Variants in ARHGEF4 observed in about 807,000 individuals in gnomAD.
ARHGEF4 encodes the protein Rho guanine nucleotide exchange factor 4, also known as APC-stimulated guanine nucleotide exchange factor 1.
Under a neutral mutation model 162.0 loss-of-function variants are expected in ARHGEF4, and 119 were observed. The observed-to-expected ratio is 0.73, with a 90% confidence interval of 0.63 to 0.86. The LOEUF (loss-of-function observed/expected upper bound fraction) is 0.86. ARHGEF4 is among the 40% of genes least tolerant of loss of function. ARHGEF4 has a pLI of 0.00. For missense variants in ARHGEF4, 2,488 were observed against 2,456.0 expected (o/e 1.01, Z -0.28); for synonymous variants, 1,014 against 979.9 (o/e 1.03, Z -0.65).
chr2:130,916,534 C>G lies in ARHGEF4; in HGVS notation c.2588C>G (p.Ala863Gly). 6.5e-7 allele frequency: 1 copy of G among 1,549,974 alleles called. No homozygotes were observed. Among genetic ancestry groups the G allele is most frequent in the Non-Finnish European group, 8.7e-7 (1 of 1,146,908 alleles). ...GCCTGGCCCGAGTTTGTCCCGCAGG[C>G]TGCAGGCGACAGGACTGCAGGGCCG... ...ASAWPEFVPQ[A>G]AGDRTAGPAG... The change falls in exon 2 of 14, where the codon GCT becomes GGT. Residue 863 changes from alanine (A) to glycine (G), a missense_variant. Ala to Gly is a moderately conservative substitution (Grantham distance 60, BLOSUM62 0). This residue lies in a region of ARHGEF4 where 1,642 missense variants were observed against 1,481.5 expected (regional missense o/e 1.11). Coordinates refer to ENST00000409359, the MANE Select transcript of ARHGEF4 (RefSeq NM_001367493.1).
rs1186979581 is a variant in ARHGEF4, at chr2:130,915,600, G to T, written c.1654G>T (p.Ala552Ser). 5 of 1,550,442 alleles carry T rather than the reference G, an allele frequency of 3.2e-6. No individual in the cohort carries two copies. The South Asian group carries it at 4.8e-5, about 15-fold the overall frequency. ...CTTGGAAGTGAGTGACAGTTCAGATGCCCCTGAGACCACCCAGAAATCAAG... is the reference window on the plus strand; with the variant it reads ...CTTGGAAGTGAGTGACAGTTCAGATTCCCCTGAGACCACCCAGAAATCAAG... ...GCLEVSDSSDAPETTQKSSAI... is the reference protein window; with the variant it reads ...GCLEVSDSSDSPETTQKSSAI... The change falls in exon 2 of 14, where the codon GCC (alanine) becomes TCC (serine). Residue 552 changes from alanine (A) to serine (S), a missense_variant. Coordinates refer to ENST00000409359, the MANE Select transcript of ARHGEF4 (RefSeq NM_001367493.1).
intron 4 of ARHGEF4, among the ~76,000 whole-genome samples, chr2:130,989,623 T>C (rs2105277890): frequency 6.6e-6 from 1 of 152,358 alleles, no homozygotes; most frequent in Middle Eastern, 3.4e-3. Flanking sequence ...TTTGTAACAT[T>C]TTAGCATACT....
intron 4 of ARHGEF4, among the ~76,000 whole-genome samples, chr2:131,025,330 A>G (rs1203586276): frequency 1.3e-5 from 2 of 152,334 alleles, no homozygotes; most frequent in African/African-American, 4.8e-5. Context: ...ATCCGCCCCC[A>G]TGATCCAATC....
chr2:130,974,898 C>G (rs934853331), intron 4 of ARHGEF4, among the ~76,000 whole-genome samples: 1 of 152,154 alleles, frequency 6.6e-6, no homozygotes, highest in African/African-American at 2.4e-5. Flanking sequence ...CAACAGATAA[C>G]CTTCTACAGC....
At chr2:130,895,971 A>G (rs962063299) in intron 1 of ARHGEF4, among the ~76,000 whole-genome samples, 1 of 152,114 alleles carries the variant, frequency 6.6e-6, no homozygotes, top group Non-Finnish European at 1.5e-5. Flanking sequence ...GCACTTAGCT[A>G]TATGATATAT....
At chr2:131,034,544 G>C (rs1216964874) in intron 5 of ARHGEF4, among the ~76,000 whole-genome samples, 6 of 152,178 alleles carry the variant, frequency 3.9e-5, no homozygotes, top group Non-Finnish European at 8.8e-5. Context: ...GCATTCCTGC[G>C]CGATTTTATG....
Position 131,041,392 on chromosome 2 carries a change from C to T in ARHGEF4, c.4825C>T (p.Pro1609Ser). Residue 1609 changes from proline (P) to serine (S), a missense_variant, in exon 9 of 14, where the codon CCG becomes TCG. By Grantham distance (74) the Pro-to-Ser change is moderately conservative. Transcript: ENST00000409359. ...DISLDGFLLT[P>S]VQKICKYPLQ... ...CTCCCTGGATGGCTTCCTGCTGACT[C>T]CGGTGCAGAAGATCTGCAAGTACCC... 1.2e-6 allele frequency: 2 copies of T among 1,613,436 alleles called. No homozygotes were observed. Among genetic ancestry groups the T allele is most frequent in the East Asian group, 2.2e-5 (1 of 44,880 alleles).
intron 6 of ARHGEF4, 72 bp from the exon 7 acceptor site, chr2:131,039,944 C>T (rs1690640731): frequency 2.0e-6 from 3 of 1,514,466 alleles, no homozygotes; most frequent in Non-Finnish European, 2.6e-6. Flanking sequence ...CCGGTTCCCG[C>T]CGCTGCGGCG....
At chr2:131,007,202 C>G (rs551121370) in intron 4 of ARHGEF4, among the ~76,000 whole-genome samples, 1 of 152,294 alleles carries the variant, frequency 6.6e-6, no homozygotes, top group African/African-American at 2.4e-5. Context: ...CCATTATGAT[C>G]CCTGACTGTC....
intron 3 of ARHGEF4, among the ~76,000 whole-genome samples, chr2:130,940,394 C>T (rs894796650): frequency 3.9e-5 from 6 of 151,902 alleles, no homozygotes; most frequent in Non-Finnish European, 5.9e-5. Context: ...CTCCCAGGTT[C>T]GCGACATTCT....
intron 1 of ARHGEF4, among the ~76,000 whole-genome samples, chr2:130,867,885 C>T (rs1312482850): frequency 2.0e-5 from 3 of 151,786 alleles, no homozygotes; most frequent in South Asian, 2.1e-4. Flanking sequence ...TTGGCTTCAA[C>T]GCTGCGTGTG....
At chr2:130,949,396 C>G (rs1176865852) in intron 4 of ARHGEF4, among the ~76,000 whole-genome samples, 1 of 152,204 alleles carries the variant, frequency 6.6e-6, no homozygotes, top group Admixed American at 6.5e-5. Flanking sequence ...CTCTGTCACC[C>G]AAGCTGGAGT....
intron 1 of ARHGEF4, among the ~76,000 whole-genome samples, chr2:130,862,904 A>G (rs1682031154): frequency 9.1e-6 from 1 of 110,190 alleles, no homozygotes; most frequent in Non-Finnish European, 1.6e-5. Flanking sequence ...GTATCTGATA[A>G]AGAATTTGTA....
chr2:131,002,777 GCT>G (rs1349901410), intron 4 of ARHGEF4, among the ~76,000 whole-genome samples: 1 of 145,156 alleles, frequency 6.9e-6, no homozygotes, highest in Non-Finnish European at 1.5e-5. Flanking sequence ...AGAGCTCACT[GCT>G]CTTTGTAAAA....
intron 4 of ARHGEF4, among the ~76,000 whole-genome samples, chr2:130,994,139 G>T (rs1007384620): frequency 3.9e-5 from 6 of 152,112 alleles, no homozygotes; most frequent in African/African-American, 1.4e-4. Context: ...GCAAGTGAGT[G>T]AATTTTTTAA....
At chr2:130,972,182 T>C (rs2105223519) in intron 4 of ARHGEF4, among the ~76,000 whole-genome samples, 1 of 152,308 alleles carries the variant, frequency 6.6e-6, no homozygotes, top group South Asian at 2.1e-4. Context: ...ACCTATGAAA[T>C]AATTATATTG....
At chr2:130,874,473 C>T (rs937866810) in intron 1 of ARHGEF4, among the ~76,000 whole-genome samples, 1 of 152,214 alleles carries the variant, frequency 6.6e-6, no homozygotes, top group Non-Finnish European at 1.5e-5. Context: ...CCTTTTCTTT[C>T]TTACATGACA....
At chr2:131,006,863 G>A (rs560674448) in intron 4 of ARHGEF4, among the ~76,000 whole-genome samples, 4 of 152,320 alleles carry the variant, frequency 2.6e-5, no homozygotes, top group East Asian at 1.9e-4. Context: ...GGCTAAGTCC[G>A]AAGGATAAAA....
intron 4 of ARHGEF4, among the ~76,000 whole-genome samples, chr2:130,978,077 G>A (rs547557616): frequency 7.2e-5 from 11 of 152,306 alleles, no homozygotes; most frequent in African/African-American, 2.6e-4. Flanking sequence ...CCTTTTCTGA[G>A]GAAGGAACTC....
Sources: allele counts gnomAD v4.1 joint callset (sites outside exome capture counted in the v4.1 genomes callset), GRCh38; gene constraint gnomAD v4.1.1; regional missense constraint gnomAD v4.1.1; transcripts MANE v1.5; gene names NCBI Gene and HGNC (gene_info 2026-07-23, HGNC 2026-07-21).